Variants in CNOT1 observed in about 807,000 individuals in gnomAD.
CNOT1 encodes CCR4-NOT transcription complex subunit 1.
CNOT1 carries 15 observed loss-of-function variants against 273.8 expected under a neutral mutation model. That is an observed-to-expected ratio of 0.05 (90% confidence interval 0.04 to 0.08). CNOT1 has a LOEUF of 0.08. CNOT1 is among the 10% of genes least tolerant of loss of function. The pLI is 1.00. For missense variants in CNOT1, 1,644 were observed against 2,912.2 expected (o/e 0.56, Z 10.02); for synonymous variants, 1,022 against 1,005.5 (o/e 1.02, Z -0.31).
intron 39 of CNOT1, among the ~76,000 whole-genome samples, chr16:58,535,697 G>GT (rs1366780109): frequency 2.0e-5 from 3 of 151,882 alleles, no homozygotes; most frequent in African/African-American, 4.8e-5. Context: ...GATTTACTGA[G>GT]TAACATTCAT....
At chr16:58,607,721 C>CAAAAAAAAAAAAAAAAA (rs71385179) in intron 1 of CNOT1, among the ~76,000 whole-genome samples, 17 of 67,058 alleles carry the variant, frequency 2.5e-4, no homozygotes, top group East Asian at 3.8e-4. Context: ...CAGCAAAACT[C>CAAAAAAAAAAAAAAAAA]AAAAAAAAAA....
intron 1 of CNOT1, among the ~76,000 whole-genome samples, chr16:58,618,306 G>A (rs1031753723): frequency 2.6e-5 from 4 of 151,894 alleles, no homozygotes; most frequent in Non-Finnish European, 5.9e-5. Context: ...GAGTTTGGCC[G>A]GGCACGGCAG....
chr16:58,620,233 G>A (rs1249017259), intron 1 of CNOT1, among the ~76,000 whole-genome samples: 1 of 152,166 alleles, frequency 6.6e-6, no homozygotes, highest in Non-Finnish European at 1.5e-5. Context: ...AAGTGAAACT[G>A]GCCAAGGATG....
chr16:58,618,643 C>T (rs533333996), intron 1 of CNOT1, among the ~76,000 whole-genome samples: 1 of 137,264 alleles, frequency 7.3e-6, no homozygotes, highest in South Asian at 2.6e-4. Context: ...ACAGAGAAAC[C>T]CTGTCTCAAA....
intron 8 of CNOT1, 76 bp from the exon 9 acceptor site, chr16:58,583,258 AC>A (rs764037352): frequency 6.3e-7 from 1 of 1,577,974 alleles, no homozygotes; most frequent in Non-Finnish European, 8.6e-7. Flanking sequence ...CATTAAATGA[AC>A]CTTGTTTGAA....
chr16:58,560,177 C>G, intron 17 of CNOT1, 35 bp downstream of exon 17: 2 of 1,606,336 alleles, frequency 1.2e-6, no homozygotes, highest in Non-Finnish European at 8.5e-7. Context: ...AAATCTATGG[C>G]AAATGAAGAT....
intron 46 of CNOT1, among the ~76,000 whole-genome samples, chr16:58,524,371 T>C (rs1017132551): frequency 1.3e-5 from 2 of 151,774 alleles, no homozygotes; most frequent in South Asian, 2.1e-4. Context: ...ATTATCTTAA[T>C]TGGGTTTGGT....
chr16:58,606,110 T>C (rs2042668005), intron 1 of CNOT1, among the ~76,000 whole-genome samples: 1 of 152,060 alleles, frequency 6.6e-6, no homozygotes, highest in Admixed American at 6.6e-5. Flanking sequence ...ATGGTTATGA[T>C]AATATAAAGT....
At chr16:58,551,844 G>T in intron 22 of CNOT1, 25 bp from the exon 23 acceptor site, 1 of 1,610,948 alleles carries the variant, frequency 6.2e-7, no homozygotes, top group Admixed American at 1.7e-5. Flanking sequence ...AGAGGAAAAA[G>T]AGTTAACCTT....
chr16:58,551,046 A>T, intron 24 of CNOT1, 86 bp downstream of exon 24: 2 of 1,558,916 alleles, frequency 1.3e-6, no homozygotes, highest in Non-Finnish European at 1.7e-6. Context: ...CTACCTTTAA[A>T]GTGAGTATGT....
rs979268641 is a variant in CNOT1 at position 58,551,690 on chromosome 16, C to T, written c.3100G>A (p.Gly1034Ser). 2 of 1,614,178 alleles carry T rather than the reference C, an allele frequency of 1.2e-6. No individual in the cohort carries two copies. The highest frequency in any genetic ancestry group is 1.7e-6 in the Non-Finnish European group (2 of 1,180,026). The change falls in exon 23 of 49, where the codon GGT becomes AGT. Residue 1034 changes from glycine (G) to serine (S), a missense_variant. By Grantham distance (56) the Gly-to-Ser change is moderately conservative. Transcript: ENST00000317147. ...AQVPAKAPLA[G>S]QVSTMVTTST... The stretch of plus-strand genomic sequence containing the variant: ...GTGGTTACCATAGTGCTAACTTGAC[C>T]AGCAAGAGGAGCTTTTGCTGGAACC...
Position 58,585,345 on chromosome 16 carries a change from A to G in CNOT1, c.799T>C (p.Cys267Arg). ...ACACATTTTACTACCAACCTTGCACAAAAGCCATAGCCTACTTCTTGCATG... is the reference window on the plus strand; with the variant it reads ...ACACATTTTACTACCAACCTTGCACGAAAGCCATAGCCTACTTCTTGCATG... Reference protein sequence around the residue: ...DFMQEVGYGFCASIEECRNII... With the variant: ...DFMQEVGYGFRASIEECRNII... The change falls in exon 8 of 49, where the codon TGT becomes CGT. Residue 267 changes from cysteine to arginine, a missense_variant. Cys to Arg is a radical substitution (Grantham distance 180, BLOSUM62 -3). Transcript: ENST00000317147. 1 of 1,613,890 alleles carries G rather than the reference A, an allele frequency of 6.2e-7. No homozygotes were observed. The highest frequency in any genetic ancestry group is 8.5e-7 in the Non-Finnish European group (1 of 1,180,004).
intron 44 of CNOT1, chr16:58,527,774 A>G (rs1303215048): frequency 5.6e-6 from 1 of 179,898 alleles, no homozygotes; most frequent in Non-Finnish European, 1.2e-5. Flanking sequence ...AAGAATAGCA[A>G]GGGACCAAGG....
chr16:58,592,261 G>A (rs1041433625), intron 2 of CNOT1, among the ~76,000 whole-genome samples: 1 of 151,992 alleles, frequency 6.6e-6, no homozygotes, highest in African/African-American at 2.4e-5. Context: ...CTGGTGAGGA[G>A]CAGACAGCAT....
In CNOT1 at chr16:58,538,740, A is replaced by G. The variant is rs1256008400; in HGVS notation, c.5135+32T>C. 8 of 1,608,428 alleles carry G rather than the reference A, an allele frequency of 5.0e-6. No individual in the cohort carries two copies. The African/African-American group carries it at 1.1e-4, about 22-fold the overall frequency. On this transcript the variant is annotated intron_variant, in intron 36 of 48. Transcript: ENST00000317147. Reference sequence around the variant, plus strand: ...TATGTCAAAAGGCAGTCGCAGTCCAATACTCACTACTTTTCGAAGATGGCT... The same window carrying G: ...TATGTCAAAAGGCAGTCGCAGTCCAGTACTCACTACTTTTCGAAGATGGCT...
In CNOT1 at chr16:58,558,487, G is replaced by A; in HGVS notation, c.2318C>T (p.Ser773Leu). Residue 773 changes from serine (S) to leucine (L), a missense_variant, in exon 18 of 49, where the codon TCA becomes TTA. Ser to Leu is a moderately radical substitution (Grantham distance 145). This residue lies in a region of CNOT1 where 706 missense variants were observed against 1,021.2 expected (regional missense o/e 0.69). Transcript: ENST00000317147. Reference protein sequence around the residue: ...TTAFSGIGGLSSQLPVGGLGT... With the variant: ...TTAFSGIGGLLSQLPVGGLGT... Reference sequence around the variant, plus strand: ...CTCCCCCTTACCTGGAAGCTGTGATGAAAGTCCTCCAATACCACTGAATGC... The same window carrying A: ...CTCCCCCTTACCTGGAAGCTGTGATAAAAGTCCTCCAATACCACTGAATGC... 6.2e-7 allele frequency: 1 copy of A among 1,614,020 alleles called. No homozygotes were observed. The highest frequency in any genetic ancestry group is 8.5e-7 in the Non-Finnish European group (1 of 1,179,988).
At chr16:58,607,048 T>C (rs1361069178) in intron 1 of CNOT1, among the ~76,000 whole-genome samples, 1 of 152,086 alleles carries the variant, frequency 6.6e-6, no homozygotes, top group African/African-American at 2.4e-5. Context: ...TATAGTTTGT[T>C]AAATGTCAAC....
intron 35 of CNOT1, 116 bp downstream of exon 35, chr16:58,539,652 A>T: frequency 9.1e-7 from 1 of 1,101,856 alleles, no homozygotes; most frequent in Non-Finnish European, 1.2e-6. Flanking sequence ...TACTTACAGA[A>T]CTTGATTTAT....
At position 58,573,683 on chromosome 16, in the gene CNOT1, G is replaced by GT. The variant is rs1362305768; in HGVS notation, c.1979+925dup. 3.3e-5 allele frequency among the ~76,000 whole-genome samples: 5 copies of GT among 151,798 alleles called. No homozygotes were observed. In the East Asian group the frequency reaches 9.8e-4, roughly 30 times the overall value. The stretch of plus-strand genomic sequence containing the variant: ...TTTTTAGTAGAGACAGGGTTTCACC[G>GT]TGTTAGTCAGGATGGTCTTGATCTC... On this transcript the variant is annotated intron_variant, in intron 16 of 48. Transcript: ENST00000317147.
Sources: allele counts gnomAD v4.1 joint callset (sites outside exome capture counted in the v4.1 genomes callset), GRCh38; gene constraint gnomAD v4.1.1; regional missense constraint gnomAD v4.1.1; transcripts MANE v1.5; gene names NCBI Gene and HGNC (gene_info 2026-07-23, HGNC 2026-07-21).